Variants in PHF8 observed in about 807,000 individuals in gnomAD.
PHF8 encodes PHD finger protein 8.
Under a neutral mutation model 74.4 loss-of-function variants are expected in PHF8, and 9 were observed. The ratio of observed to expected loss-of-function variants is 0.12; its 90% CI spans 0.07 to 0.21. The LOEUF is 0.21. Ranked by LOEUF, PHF8 falls within the 10% of genes least tolerant of loss-of-function variation. The pLI is 1.00. For synonymous variants in PHF8, 311 were observed against 316.6 expected (o/e 0.98, Z 0.19); for missense variants, 478 against 816.6 (o/e 0.59, Z 5.05).
upstream of PHF8, among the ~76,000 whole-genome samples, chrX:54,045,479 G>A (rs1293341335): frequency 8.9e-6 from 1 of 112,617 alleles, no homozygotes; most frequent in African/African-American, 3.2e-5. Context: ...GGCCTCTGGA[G>A]TGGGAGGGCA....
chrX:53,988,092 G>A, intron 14 of PHF8, 148 bp from the exon 15 acceptor site: 6 of 509,161 alleles, frequency 1.2e-5, no homozygotes, highest in Non-Finnish European at 2.0e-5. Context: ...ATAGTAAAAC[G>A]TACATGGACA....
chrX:53,989,747 T>A (rs1367060245), intron 14 of PHF8, among the ~76,000 whole-genome samples: 1 of 112,252 alleles, frequency 8.9e-6, no homozygotes, highest in Non-Finnish European at 1.9e-5. Flanking sequence ...TTAAATTGAC[T>A]TTCAGTGAAT....
At chrX:53,956,254 TAA>T (rs782753319) in intron 19 of PHF8, among the ~76,000 whole-genome samples, 3 of 111,266 alleles carry the variant, frequency 2.7e-5, no homozygotes, top group African/African-American at 9.8e-5. Context: ...TGCCTCAAAA[TAA>T]AAAAGTCTGT....
At position 53,984,968 on chromosome X, in the gene PHF8, C is replaced by T. The variant is rs201268268; in HGVS notation, c.2389G>A (p.Ala797Thr). The change falls in exon 18 of 22, where the codon GCC becomes ACC. Residue 797 changes from alanine to threonine, a missense_variant. Coordinates refer to ENST00000338154, the MANE Select transcript of PHF8 (RefSeq NM_015107.3). Reference sequence around the variant, plus strand: ...AAGCTGTCCTGTTCATCCAGACTGGCGTTCTCCTCCTCCTCCTCGCTCTCG... The same window carrying T: ...AAGCTGTCCTGTTCATCCAGACTGGTGTTCTCCTCCTCCTCCTCGCTCTCG... ...RTESEEEEENASLDEQDSLGA... is the reference protein window; with the variant it reads ...RTESEEEEENTSLDEQDSLGA... 6 of 1,208,938 alleles carry T rather than the reference C, an allele frequency of 5.0e-6. No individual in the cohort carries two copies. In the Admixed American group the frequency reaches 8.8e-5, roughly 18 times the overall value.
intron 18 of PHF8, among the ~76,000 whole-genome samples, chrX:53,981,277 T>C (rs2065475706): frequency 8.9e-6 from 1 of 112,270 alleles, no homozygotes; most frequent in African/African-American, 3.2e-5. Flanking sequence ...TCAGAAGTTG[T>C]ACCAGTTCAA....
At chrX:54,021,454 A>ATT (rs1156928686) in intron 4 of PHF8, among the ~76,000 whole-genome samples, 1,482 of 42,099 alleles carry the variant, frequency 0.035, 202 homozygotes, top group African/African-American at 0.045. Context: ...AGTTGCAATT[A>ATT]TTTTTTTTTT....
chrX:53,981,456 A>C (rs11798878), intron 18 of PHF8, among the ~76,000 whole-genome samples: 2,125 of 111,967 alleles, frequency 0.019, 48 homozygotes, highest in Admixed American at 0.082. Flanking sequence ...TTTAGTTCTG[A>C]TGGGATAGGC....
At chrX:53,993,047 G>C (rs1189529287) in intron 13 of PHF8, 2 of 423,521 alleles carry the variant, frequency 4.7e-6, no homozygotes, top group African/African-American at 5.0e-5. Flanking sequence ...TGTCAATCTT[G>C]TGAACCATGT....
intron 18 of PHF8, among the ~76,000 whole-genome samples, chrX:53,981,474 C>A (rs782233008): frequency 1.8e-5 from 2 of 111,295 alleles, no homozygotes; most frequent in South Asian, 7.5e-4. Flanking sequence ...GGCTACCTGA[C>A]AGAGCAGATA....
chrX:53,989,717 T>C (rs1369420460), intron 14 of PHF8, among the ~76,000 whole-genome samples: 1 of 112,211 alleles, frequency 8.9e-6, no homozygotes, highest in Non-Finnish European at 1.9e-5. Context: ...AATTGATACA[T>C]TTAGCAACTA....
intron 3 of PHF8, 119 bp downstream of exon 3, chrX:54,022,639 C>T (rs1603339754): frequency 9.4e-6 from 5 of 531,589 alleles, no homozygotes; most frequent in Non-Finnish European, 1.7e-5. Context: ...TAGGCTTCTG[C>T]TATTTCCTGA....
At chrX:54,043,695 A>G (rs2066602221) in intron 1 of PHF8, 67 bp downstream of exon 1, 2 of 342,457 alleles carry the variant, frequency 5.8e-6, no homozygotes, top group Non-Finnish European at 7.6e-6. Flanking sequence ...AGTCTCCCCA[A>G]ATGTTCAGGT....
chrX:53,973,190 A>C (rs1052225945), intron 18 of PHF8, among the ~76,000 whole-genome samples: 7 of 112,342 alleles, frequency 6.2e-5, no homozygotes, highest in Non-Finnish European at 1.3e-4. Context: ...CCTGGACAGA[A>C]AGAATCAATA....
intron 4 of PHF8, among the ~76,000 whole-genome samples, chrX:54,020,134 C>T (rs1025153116): frequency 1.2e-4 from 13 of 111,429 alleles, no homozygotes; most frequent in East Asian, 2.8e-4. Flanking sequence ...TGCAGTGAGC[C>T]GAGATCACGC....
At chrX:54,047,853 C>T (rs1331503501), upstream of PHF8, among the ~76,000 whole-genome samples, 1 of 111,464 alleles carries the variant, frequency 9.0e-6, no homozygotes, top group Non-Finnish European at 1.9e-5. Context: ...GGAGCTGAGA[C>T]CTGAATAACA....
At chrX:53,998,541 C>G (rs2065783566) in intron 11 of PHF8, among the ~76,000 whole-genome samples, 2 of 111,410 alleles carry the variant, frequency 1.8e-5, no homozygotes, top group African/African-American at 3.3e-5. Context: ...CAATCCCACC[C>G]TGCCCCTGCC....
chrX:54,036,079 G>A (rs1273672173), intron 2 of PHF8, among the ~76,000 whole-genome samples: 17 of 93,299 alleles, frequency 1.8e-4, no homozygotes, highest in Non-Finnish European at 3.3e-4. Flanking sequence ...TCCAGCCTGG[G>A]CAACAAGAGC....
intron 18 of PHF8, among the ~76,000 whole-genome samples, chrX:53,972,317 G>C (rs1414888482): frequency 1.5e-5 from 1 of 68,614 alleles, no homozygotes; most frequent in Non-Finnish European, 2.5e-5. Context: ...GCAAGACGCT[G>C]TCTCAAAAAA....
At chrX:53,989,905 A>G (rs782606341) in intron 14 of PHF8, among the ~76,000 whole-genome samples, 1 of 112,151 alleles carries the variant, frequency 8.9e-6, no homozygotes, top group South Asian at 3.7e-4. Flanking sequence ...AAATGGGGAT[A>G]CTACTACTTA....
Sources: allele counts gnomAD v4.1 joint callset (sites outside exome capture counted in the v4.1 genomes callset), GRCh38; gene constraint gnomAD v4.1.1; transcripts MANE v1.5; gene names NCBI Gene and HGNC (gene_info 2026-07-23, HGNC 2026-07-21).